PKM: variants seen among roughly 807,000 people sequenced by gnomAD.
PKM encodes the protein pyruvate kinase M1/2.
A neutral mutation model predicts 49.8 loss-of-function variants in PKM; 18 were observed. That is an observed-to-expected ratio of 0.36 (90% CI 0.25 to 0.54). The LOEUF (loss-of-function observed/expected upper bound fraction) is 0.54, where lower values mean the gene tolerates loss of function less well. PKM is among the 20% of genes least tolerant of loss of function. PKM has a pLI of 0.89. For synonymous variants in PKM, 239 were observed against 261.8 expected, an observed-to-expected ratio of 0.91 and a Z score of 0.84; for missense variants, 508 against 713.8, an observed-to-expected ratio of 0.71 and a Z score of 3.28.
chr15:72,202,880 C>T lies in PKM; in HGVS notation c.1141-260G>A. On this transcript the variant is annotated intron_variant, in intron 8 of 10. Transcript: ENST00000335181. The surrounding 1 kb of genome is among the most constrained non-coding windows in gnomAD (Gnocchi z 4.5). The stretch of plus-strand genomic sequence containing the variant: ...CACAGGACCCTTTGGTCCTGCCCTG[C>T]CATGACCTCCCTGGCGGTGTTCCTA... 1 of 911,964 alleles carries T rather than the reference C, an allele frequency of 1.1e-6. No individual in the cohort carries two copies. Among genetic ancestry groups the T allele is most frequent in the Non-Finnish European group, 1.8e-6 (1 of 564,904 alleles). 56.5% of individuals were successfully genotyped at this position (911,964 alleles called of 1,614,324 possible).
At chr15:72,199,811 C>T in intron 10 of PKM, 55 bp from the exon 11 acceptor site, 1 of 1,181,624 alleles carries the variant, frequency 8.5e-7, no homozygotes, top group South Asian at 1.3e-5. Flanking sequence ...CAGGTTTGCA[C>T]CTGGGCAGCT....
chr15:72,230,159 C>T (rs1343059093), intron 1 of PKM, among the ~76,000 whole-genome samples: 2 of 152,180 alleles, frequency 1.3e-5, no homozygotes, highest in Non-Finnish European at 2.9e-5. Flanking sequence ...AGCTCTCGGG[C>T]CCCGAGCCAT....
intron 2 of PKM, among the ~76,000 whole-genome samples, chr15:72,218,713 G>A (rs972064683): frequency 2.0e-5 from 3 of 151,460 alleles, no homozygotes; most frequent in African/African-American, 4.9e-5. Flanking sequence ...ACCATACCTC[G>A]CCATCTTAGC....
intron 1 of PKM, among the ~76,000 whole-genome samples, chr15:72,221,678 T>C (rs2082528504): frequency 6.6e-6 from 1 of 152,038 alleles, no homozygotes; most frequent in Non-Finnish European, 1.5e-5. Context: ...TCCTATAAAA[T>C]TGTTGGGAGG....
intron 6 of PKM, 93 bp from the exon 7 acceptor site, chr15:72,207,370 A>G: frequency 8.9e-7 from 1 of 1,126,292 alleles, no homozygotes; most frequent in South Asian, 1.3e-5. Flanking sequence ...TCCCTAACTT[A>G]GATGTCCTTG....
intron 1 of PKM, chr15:72,230,774 T>G: frequency 2.5e-6 from 1 of 392,642 alleles, no homozygotes; most frequent in Non-Finnish European, 4.7e-6. Flanking sequence ...AAGGGTGGAA[T>G]CAATCACGAG....
Position 72,202,682 on chromosome 15 carries a change from C to T in PKM, c.1141-62G>A. On this transcript the variant is annotated intron_variant, in intron 8 of 10. Transcript: ENST00000335181. This position sits in a 1 kb window ranked among gnomAD's most constrained non-coding sequence, Gnocchi z 4.5. ...GGACAGAGCTTTGTCAGAGCTTTGT[C>T]ACAAAAGGAGAGGGAGGGGAAGAGT... 4.1e-6 allele frequency: 6 copies of T among 1,459,680 alleles called. No individual in the cohort carries two copies. The highest frequency in any genetic ancestry group is 5.7e-6 in the Non-Finnish European group (6 of 1,054,708). The allele number at this position is 1,459,680 out of a possible 1,614,324, so 90.4% of individuals were successfully genotyped here.
At position 72,200,501 on chromosome 15, in the gene PKM, G is replaced by A. The variant is rs759479994; in HGVS notation, c.1462C>T (p.Leu488Phe). 1.9e-6 allele frequency: 3 copies of A among 1,613,592 alleles called. No individual in the cohort carries two copies. The highest frequency in any genetic ancestry group is 1.3e-5 in the African/African-American group (1 of 74,888). ...VQEAWAEDVD[L>F]RVNFAMNVGK... Reference sequence around the variant, plus strand: ...ACATTCATGGCAAAGTTCACCCGGAGGTCCACGTCCTCAGCCCAGGCCTCC... The same window carrying A: ...ACATTCATGGCAAAGTTCACCCGGAAGTCCACGTCCTCAGCCCAGGCCTCC... The change falls in exon 10 of 11, where the codon CTC (leucine) becomes TTC (phenylalanine). Residue 488 changes from leucine (L) to phenylalanine (F), a missense_variant. Coordinates refer to ENST00000335181, the MANE Select transcript of PKM (RefSeq NM_002654.6). The surrounding 1 kb of genome is among the most constrained non-coding windows in gnomAD (Gnocchi z 4.6).
rs886410635 is a variant in PKM, at chr15:72,209,579, T to C, written c.565+94A>G. The C allele has an allele frequency of 2.8e-6, 3 of 1,063,584 alleles. No homozygotes were observed. The South Asian group carries it at 3.8e-5, about 13-fold the overall frequency. 65.9% of individuals were successfully genotyped at this position (1,063,584 alleles called of 1,614,324 possible). ...TGAGAACACACAGACTCAATCTCAC[T>C]GCCAGGCAACCAACCTTCCCATCTT... On this transcript the variant is annotated intron_variant, in intron 5 of 10. Transcript: ENST00000335181.
At position 72,202,396 on chromosome 15, in the gene PKM, C is replaced by A. The variant is rs2081966281; in HGVS notation, c.1307+58G>T. The stretch of plus-strand genomic sequence containing the variant: ...ATTGTTCAATGGACTGCTCCCAGGA[C>A]CCCCAAGGTGAGGTACCACTGAGCA... On this transcript the variant is annotated intron_variant, in intron 9 of 10. Coordinates refer to ENST00000335181, the MANE Select transcript of PKM (RefSeq NM_002654.6). The surrounding 1 kb of genome is among the most constrained non-coding windows in gnomAD (Gnocchi z 4.5). 1 of 1,535,268 alleles carries A rather than the reference C, an allele frequency of 6.5e-7. No individual in the cohort carries two copies. Among genetic ancestry groups the A allele is most frequent in the South Asian group, 1.2e-5 (1 of 86,560 alleles).
At chr15:72,229,713 T>C (rs2140833668) in intron 1 of PKM, 2 of 1,205,704 alleles carry the variant, frequency 1.7e-6, no homozygotes, top group Non-Finnish European at 2.1e-6. Context: ...CATTTTAAGA[T>C]TGTGAGCTCG....
At chr15:72,203,102 C>G (rs778938520) in intron 8 of PKM, 4 of 1,614,186 alleles carry the variant, frequency 2.5e-6, no homozygotes, top group Non-Finnish European at 3.4e-6. Context: ...CCATGGCTTC[C>G]ATGAGGTCTG....
chr15:72,211,270 T>C (rs8023910), intron 3 of PKM, among the ~76,000 whole-genome samples: 1,544 of 152,202 alleles, frequency 0.01, 35 homozygotes, highest in African/African-American at 0.035. Context: ...GGTTTCACCA[T>C]GTTAGCCAGG....
chr15:72,217,448 C>A lies in PKM; in HGVS notation c.207G>T (p.Met69Ile). The A allele has an allele frequency of 6.2e-7, 1 of 1,613,462 alleles. No individual in the cohort carries two copies. The highest frequency in any genetic ancestry group is 1.1e-5 in the South Asian group (1 of 91,066). Residue 69 changes from methionine to isoleucine, a missense_variant, in exon 3 of 11, where the codon ATG (methionine) becomes ATT (isoleucine). Coordinates refer to ENST00000335181, the MANE Select transcript of PKM (RefSeq NM_002654.6). ...GAGAGAAGTTCAGACGAGCCACATT[C>A]ATTCCAGACTTAATCATCTCCTTCA... ...ETLKEMIKSG[M>I]NVARLNFSHG...
intron 8 of PKM, chr15:72,206,494 T>C (rs1158478116): frequency 1.8e-6 from 1 of 566,408 alleles, no homozygotes; most frequent in East Asian, 3.0e-5. Flanking sequence ...TGAAGGAGGA[T>C]GCCTCCAGAG....
chr15:72,210,518 C>A (rs769452067), intron 3 of PKM, 40 bp from the exon 4 acceptor site: 1 of 1,613,284 alleles, frequency 6.2e-7, no homozygotes, highest in South Asian at 1.1e-5. Context: ...TGCTCCCACA[C>A]TAGAATCCAG....
chr15:72,214,080 G>A (rs1376922770), intron 3 of PKM, among the ~76,000 whole-genome samples: 1 of 152,082 alleles, frequency 6.6e-6, no homozygotes, highest in Non-Finnish European at 1.5e-5. Context: ...TCCTCCCCTA[G>A]TGTTCTGAGT....
Position 72,199,759 on chromosome 15 carries a change from G to T in PKM, c.1490-3C>A. 2 of 1,608,498 alleles carry T rather than the reference G, an allele frequency of 1.2e-6. No individual in the cohort carries two copies. Among genetic ancestry groups the T allele is most frequent in the South Asian group, 2.2e-5 (2 of 90,732 alleles). ...CTTGAAGAAGCCTCGGGCCTTGCCTGGAGGAAGAGAAGGGAGGTTGGTGAG... is the reference window on the plus strand; with the variant it reads ...CTTGAAGAAGCCTCGGGCCTTGCCTTGAGGAAGAGAAGGGAGGTTGGTGAG... On this transcript the variant is annotated splice_region_variant and splice_polypyrimidine_tract_variant and intron_variant, in intron 10 of 10. Coordinates refer to ENST00000335181, the MANE Select transcript of PKM (RefSeq NM_002654.6).
In PKM at chr15:72,208,508, G is replaced by A. The variant is rs969458589; in HGVS notation, c.836+113C>T. ...TTCTGATTCAGCAGGTTTGGAACTG[G>A]CTTGGGAGTCTACATTCTGATGGGC... On this transcript the variant is annotated intron_variant, in intron 6 of 10. Coordinates refer to ENST00000335181, the MANE Select transcript of PKM (RefSeq NM_002654.6). 4.6e-6 allele frequency: 5 copies of A among 1,079,424 alleles called. No individual in the cohort carries two copies. The African/African-American group carries it at 6.2e-5, about 13-fold the overall frequency. 66.9% of individuals were successfully genotyped at this position (1,079,424 alleles called of 1,614,324 possible).
Sources: gnomAD v4.1 joint callset for allele counts (sites outside exome capture counted in the v4.1 genomes callset) on GRCh38, gnomAD v4.1.1 for gene constraint, Gnocchi (gnomAD v3.1) non-coding constraint, MANE v1.5 for transcripts, NCBI Gene and HGNC (gene_info 2026-07-23, HGNC 2026-07-21) for gene names.